NFASC: variants seen among roughly 807,000 people sequenced by gnomAD.
NFASC encodes neurofascin homolog.
NFASC carries 43 observed loss-of-function variants against 147.5 expected under a neutral mutation model. The ratio of observed to expected loss-of-function variants is 0.29; its 90% CI spans 0.23 to 0.38. The LOEUF is 0.38. NFASC is among the 10% of genes least tolerant of loss of function. The probability of loss-of-function intolerance (pLI) is 1.00; values close to 1 mark genes in which losing one functional copy is unlikely to be tolerated. For synonymous variants in NFASC, 622 were observed against 665.5 expected, an observed-to-expected ratio of 0.93 and a Z score of 1.01; for missense variants, 1,320 against 1,689.0, an observed-to-expected ratio of 0.78 and a Z score of 3.83.
chr1:204,946,346 G>A lies in NFASC; in HGVS notation c.91+1940G>A, dbSNP rs563540940. 3.5e-4 allele frequency: 179 copies of A among 512,090 alleles called. 1 individual carries two copies. Among genetic ancestry groups the A allele is most frequent in the Non-Finnish European group, 5.0e-4 (129 of 255,998 alleles). The allele number at this position is 512,090 out of a possible 1,614,324, so 31.7% of individuals were successfully genotyped here. On this transcript the variant is annotated intron_variant, in intron 3 of 29. Transcript: ENST00000339876. ...AACATAGGTGTTATCCTTAGCCTGC[G>A]GGTTAGAGACAAGGAAGCGACAGAG...
intron 27 of NFASC, among the ~76,000 whole-genome samples, chr1:205,005,723 C>T (rs1281227176): frequency 1.3e-5 from 2 of 152,202 alleles, no homozygotes; most frequent in Non-Finnish European, 2.9e-5. Flanking sequence ...CCTTGAGAAA[C>T]TAAATCACTT....
At chr1:204,833,689 A>G (rs1672894417) in intron 1 of NFASC, among the ~76,000 whole-genome samples, 1 of 152,214 alleles carries the variant, frequency 6.6e-6, no homozygotes, top group African/African-American at 2.4e-5. Flanking sequence ...TTAAATCTTC[A>G]TTGGTGCCTC....
chr1:204,973,794 T>A (rs372927817), intron 12 of NFASC, among the ~76,000 whole-genome samples: 1 of 152,170 alleles, frequency 6.6e-6, no homozygotes, highest in African/African-American at 2.4e-5. Flanking sequence ...TGACTTCCCC[T>A]GGGTTCGCAG....
intron 1 of NFASC, among the ~76,000 whole-genome samples, chr1:204,868,267 C>A (rs1364324386): frequency 6.6e-6 from 1 of 152,220 alleles, no homozygotes; most frequent in Non-Finnish European, 1.5e-5. Context: ...CATTGTATTG[C>A]TGATCTCTTC....
chr1:204,996,741 G>A (rs748355568), intron 24 of NFASC, among the ~76,000 whole-genome samples: 3 of 152,146 alleles, frequency 2.0e-5, no homozygotes, highest in African/African-American at 7.2e-5. Flanking sequence ...GGGCCCCACC[G>A]CCTGCCCACC....
chr1:204,861,915 G>C (rs2076714989), intron 1 of NFASC, among the ~76,000 whole-genome samples: 1 of 152,182 alleles, frequency 6.6e-6, no homozygotes, highest in Non-Finnish European at 1.5e-5. Flanking sequence ...CTTAGCCTCT[G>C]GTCAAGACGC....
chr1:204,920,864 G>A (rs2090318944), intron 2 of NFASC, 124 bp downstream of exon 2: 2 of 400,866 alleles, frequency 5.0e-6, no homozygotes, highest in Non-Finnish European at 9.5e-6. Flanking sequence ...AATCTTCTGA[G>A]AGGCATCTCC....
Position 204,993,913 on chromosome 1 carries a change from G to C in NFASC, c.2782+2607G>C, listed in dbSNP as rs1314086788. ...TGAGCAGTGGAAGGTTTTCCCCATGGAACACTTGTCCTCCTCTCGTTCCCA... is the reference window on the plus strand; with the variant it reads ...TGAGCAGTGGAAGGTTTTCCCCATGCAACACTTGTCCTCCTCTCGTTCCCA... On this transcript the variant is annotated intron_variant, in intron 24 of 29. Transcript: ENST00000339876. 1.2e-5 allele frequency: 5 copies of C among 419,258 alleles called. No homozygotes were observed. In the Admixed American group the frequency reaches 1.2e-4, roughly 10 times the overall value. 26.0% of individuals were successfully genotyped at this position (419,258 alleles called of 1,614,324 possible).
chr1:204,834,878 G>A (rs1177788964), intron 1 of NFASC, among the ~76,000 whole-genome samples: 2 of 151,952 alleles, frequency 1.3e-5, no homozygotes, highest in African/African-American at 4.8e-5. Context: ...TTCCCTTCTG[G>A]CCTGTTTCTG....
At chr1:205,005,585 C>T (rs1171162090) in intron 27 of NFASC, among the ~76,000 whole-genome samples, 1 of 152,206 alleles carries the variant, frequency 6.6e-6, no homozygotes. Context: ...GTTTAACAGA[C>T]CGATTGAGTA....
chr1:204,978,239 G>T (rs1324519465), intron 17 of NFASC, among the ~76,000 whole-genome samples: 2 of 152,208 alleles, frequency 1.3e-5, no homozygotes, highest in Non-Finnish European at 2.9e-5. Flanking sequence ...AAGATGGAGA[G>T]AAAATCTTGC....
chr1:204,987,442 G>A lies in NFASC; in HGVS notation c.2495G>A (p.Arg832Gln), dbSNP rs768939001. 1.3e-5 allele frequency: 21 copies of A among 1,613,502 alleles called. No homozygotes were observed. The highest frequency in any genetic ancestry group is 8.0e-5 in the African/African-American group (6 of 74,714). Residue 832 changes from arginine to glutamine, a missense_variant, in exon 22 of 30, where the codon CGA becomes CAA. Transcript: ENST00000339876. This position sits in a 1 kb window ranked among gnomAD's most constrained non-coding sequence, Gnocchi z 4.4. ...GTACCCAGTGCCCCTAGGCGTTTCC[G>A]AGTCCGGCAGCCCAACCTGGAGACA... Reference protein sequence around the residue: ...EDLPSAPRRFRVRQPNLETIN... With the variant: ...EDLPSAPRRFQVRQPNLETIN...
intron 25 of NFASC, chr1:204,999,659 T>C (rs6702469): frequency 0.23 from 33,950 of 148,774 alleles, 3,989 homozygotes; most frequent in South Asian, 0.29. Context: ...ACTTTCTTGG[T>C]CCCTCACTTA....
chr1:204,855,085 G>C (rs930861898), intron 1 of NFASC, among the ~76,000 whole-genome samples: 2 of 152,232 alleles, frequency 1.3e-5, no homozygotes, highest in East Asian at 1.9e-4. Context: ...GGCTCCATCA[G>C]TGAGTGAGGG....
rs147514532 is a variant in NFASC, at chr1:204,884,609, G to T, written c.-199-36023G>T. Reference sequence around the variant, plus strand: ...GTACCTGAGCCCCTCCCCTGACCTTGAATAGGCTACTTACTTAGCCTTTGT... The same window carrying T: ...GTACCTGAGCCCCTCCCCTGACCTTTAATAGGCTACTTACTTAGCCTTTGT... On this transcript the variant is annotated intron_variant, in intron 1 of 29. Transcript: ENST00000339876. Among the ~76,000 whole-genome samples, 182 of 152,268 alleles carry T rather than the reference G, an allele frequency of 1.2e-3. 1 individual carries two copies. The highest frequency in any genetic ancestry group is 3.5e-3 in the African/African-American group (145 of 41,550).
intron 17 of NFASC, among the ~76,000 whole-genome samples, chr1:204,978,679 C>T (rs956235544): frequency 2.0e-5 from 3 of 152,228 alleles, no homozygotes; most frequent in Admixed American, 6.5e-5. Flanking sequence ...TCCACCAAGA[C>T]GGAATGGCGT....
intron 10 of NFASC, among the ~76,000 whole-genome samples, 190 bp downstream of exon 10, chr1:204,969,172 G>T (rs1308676330): frequency 6.6e-6 from 1 of 152,058 alleles, no homozygotes; most frequent in Non-Finnish European, 1.5e-5. Flanking sequence ...GCCCGTGCAT[G>T]GGGCAGGGGG....
At chr1:204,857,848 C>T (rs938390687) in intron 1 of NFASC, among the ~76,000 whole-genome samples, 1 of 151,838 alleles carries the variant, frequency 6.6e-6, no homozygotes, top group African/African-American at 2.4e-5. Context: ...CTGCAGATGG[C>T]CACTTCTCCC....
At chr1:204,843,355 T>C (rs1168892104) in intron 1 of NFASC, among the ~76,000 whole-genome samples, 1 of 152,226 alleles carries the variant, frequency 6.6e-6, no homozygotes, top group African/African-American at 2.4e-5. Flanking sequence ...TGTACCTTTA[T>C]GCAGTTTCTC....
Sources: gnomAD v4.1 joint callset for allele counts (sites outside exome capture counted in the v4.1 genomes callset) on GRCh38, gnomAD v4.1.1 for gene constraint, Gnocchi (gnomAD v3.1) non-coding constraint, MANE v1.5 for transcripts, NCBI Gene and HGNC (gene_info 2026-07-23, HGNC 2026-07-21) for gene names.